The following RAB37 variants were observed in gnomAD, a reference collection of about 807,000 sequenced individuals.
The protein encoded by RAB37 is RAB37, member RAS oncogene family.
A neutral mutation model predicts 33.1 loss-of-function variants in RAB37; 29 were observed. That is an observed-to-expected ratio of 0.88 (90% CI 0.65 to 1.20). The LOEUF (loss-of-function observed/expected upper bound fraction) is 1.20. Ranked by LOEUF, RAB37 falls within the 50% of genes most tolerant of loss-of-function variation. RAB37 has a pLI of 0.00. For synonymous variants in RAB37, 128 were observed against 119.5 expected, an observed-to-expected ratio of 1.07 and a Z score of -0.47; for missense variants, 299 against 301.1, an observed-to-expected ratio of 0.99 and a Z score of 0.05.
At chr17:74,680,635 C>A (rs562063380) in intron 1 of RAB37, among the ~76,000 whole-genome samples, 2 of 152,268 alleles carry the variant, frequency 1.3e-5, no homozygotes, top group East Asian at 3.9e-4. Context: ...CCTTGCCCCA[C>A]CTCTGCCTCC....
chr17:74,674,631 T>A (rs1183362868), intron 1 of RAB37, among the ~76,000 whole-genome samples: 1 of 152,040 alleles, frequency 6.6e-6, no homozygotes, highest in East Asian at 1.9e-4. Context: ...TGAGCCAAGA[T>A]CACACCACTG....
chr17:74,714,456 G>A (rs2034132081), intron 1 of RAB37, among the ~76,000 whole-genome samples: 1 of 151,494 alleles, frequency 6.6e-6, no homozygotes, highest in Non-Finnish European at 1.5e-5. Flanking sequence ...GAGGTTCAGA[G>A]AGAAGGGAGA....
chr17:74,730,417 G>T lies in RAB37; in HGVS notation c.183+1051G>T, dbSNP rs1274908431. On this transcript the variant is annotated intron_variant, in intron 2 of 7. Coordinates refer to the RAB37 transcript ENST00000340415. This position sits in a 1 kb window ranked among gnomAD's most constrained non-coding sequence, Gnocchi z 4.4. ...AGCCAGGAAGGCAGGGGTTCAGAATGAACATGGCTTCTGCATGACCTTCCA... is the reference window on the plus strand; with the variant it reads ...AGCCAGGAAGGCAGGGGTTCAGAATTAACATGGCTTCTGCATGACCTTCCA... Among the ~76,000 whole-genome samples, 1 of 152,190 alleles carries T rather than the reference G, an allele frequency of 6.6e-6. No individual in the cohort carries two copies. Among genetic ancestry groups the T allele is most frequent in the East Asian group, 1.9e-4 (1 of 5,170 alleles).
chr17:74,682,537 G>A (rs1026207613), intron 1 of RAB37, among the ~76,000 whole-genome samples: 11 of 152,172 alleles, frequency 7.2e-5, no homozygotes, highest in Non-Finnish European at 1.6e-4. Context: ...AGAACATGAT[G>A]GACGGCTTAA....
intron 1 of RAB37, among the ~76,000 whole-genome samples, chr17:74,709,752 T>C (rs2033812126): frequency 6.6e-6 from 1 of 152,030 alleles, no homozygotes; most frequent in African/African-American, 2.4e-5. Context: ...ATTTTTTTTT[T>C]TGGAGAGACA....
intron 1 of RAB37, among the ~76,000 whole-genome samples, chr17:74,719,709 G>A (rs1396348200): frequency 6.6e-6 from 1 of 151,910 alleles, no homozygotes; most frequent in African/African-American, 2.4e-5. Flanking sequence ...GTAGAATAGG[G>A]TCTTCCTATG....
At chr17:74,726,003 G>A (rs1385874769) in intron 1 of RAB37, among the ~76,000 whole-genome samples, 3 of 152,030 alleles carry the variant, frequency 2.0e-5, no homozygotes, top group Non-Finnish European at 4.4e-5. Context: ...TTGGGAGGCC[G>A]AGGCAGGTGG....
chr17:74,745,359 G>C lies in RAB37; in HGVS notation c.620G>C (p.Arg207Pro), dbSNP rs763884748. 2 of 1,614,092 alleles carry C rather than the reference G, an allele frequency of 1.2e-6. No individual in the cohort carries two copies. Among genetic ancestry groups the C allele is most frequent in the Middle Eastern group, 1.6e-4 (1 of 6,062 alleles). Residue 207 changes from arginine (R) to proline (P), a missense_variant, in exon 9 of 9, where the codon CGA (arginine) becomes CCA (proline). Arg to Pro is a moderately radical substitution (Grantham distance 103). Transcript: ENST00000392613. The surrounding 1 kb of genome is among the most constrained non-coding windows in gnomAD (Gnocchi z 4.5). Reference sequence around the variant, plus strand: ...GCGGATGAGCCCAGCTTCCAGATCCGAGACTATGTAGAGTCCCAGAAGAAG... The same window carrying C: ...GCGGATGAGCCCAGCTTCCAGATCCCAGACTATGTAGAGTCCCAGAAGAAG... ...HQADEPSFQI[R>P]DYVESQKKRS...
chr17:74,686,211 C>T (rs535984183), intron 1 of RAB37, among the ~76,000 whole-genome samples: 2 of 152,224 alleles, frequency 1.3e-5, no homozygotes, highest in East Asian at 3.9e-4. Context: ...CCTACCTCAG[C>T]ATCCCAGGTA....
At chr17:74,720,590 C>CA (rs1312784321) in intron 1 of RAB37, among the ~76,000 whole-genome samples, 1 of 151,878 alleles carries the variant, frequency 6.6e-6, no homozygotes, top group Non-Finnish European at 1.5e-5. Flanking sequence ...GCCTCTGTCT[C>CA]AAAAAAATAA....
upstream of RAB37, among the ~76,000 whole-genome samples, chr17:74,735,018 G>GAAAGAAAGAAAGAAAGA (rs2034449471): frequency 3.6e-5 from 3 of 82,260 alleles, no homozygotes; most frequent in Non-Finnish European, 6.3e-5. Flanking sequence ...AGGAAGGAAG[G>GAAAGAAAGAAAGAAAGA]AAGAAAGAAA....
chr17:74,694,184 TAA>T (rs2032230623), intron 1 of RAB37: 11 of 152,142 alleles, frequency 7.2e-5, no homozygotes, highest in Admixed American at 2.6e-4. Flanking sequence ...AAGGGGACAG[TAA>T]TAGAAGTGCC....
intron 1 of RAB37, among the ~76,000 whole-genome samples, chr17:74,705,670 C>A (rs1156730351): frequency 1.3e-5 from 2 of 152,110 alleles, no homozygotes; most frequent in African/African-American, 4.8e-5. Context: ...TCATGGCTCA[C>A]TGAAGCCTTC....
intron 1 of RAB37, chr17:74,704,814 A>G: frequency 6.2e-7 from 1 of 1,608,476 alleles, no homozygotes; most frequent in Non-Finnish European, 8.5e-7. Context: ...ACAATGGAGT[A>G]GCCTGGAAAA....
chr17:74,698,150 C>T (rs1370778043), intron 1 of RAB37, among the ~76,000 whole-genome samples: 1 of 152,196 alleles, frequency 6.6e-6, no homozygotes, highest in Non-Finnish European at 1.5e-5. Context: ...AGGGGAAGGA[C>T]GGAGGTGCAG....
At chr17:74,737,542 T>G (rs1222619008) in intron 1 of RAB37, among the ~76,000 whole-genome samples, 177 bp downstream of exon 1, 1 of 152,040 alleles carries the variant, frequency 6.6e-6, no homozygotes, top group Non-Finnish European at 1.5e-5. Flanking sequence ...TCTGCTGGCT[T>G]GGTGGGGGCG....
At chr17:74,728,343 ATG>A (rs1157643416) in intron 1 of RAB37, among the ~76,000 whole-genome samples, 1 of 148,030 alleles carries the variant, frequency 6.8e-6, no homozygotes, top group Non-Finnish European at 1.5e-5. Flanking sequence ...TATGTGTACT[ATG>A]TGTATTTGTG....
In RAB37 at chr17:74,731,950, C is replaced by T. The variant is rs574638878; in HGVS notation, c.183+2584C>T. Among the ~76,000 whole-genome samples the T allele has an allele frequency of 1.6e-4, 25 of 151,952 alleles. 1 individual carries two copies. In the South Asian group the frequency reaches 3.1e-3, roughly 19 times the overall value. On this transcript the variant is annotated intron_variant, in intron 2 of 7. Transcript: ENST00000340415. Reference sequence around the variant, plus strand: ...ACTTGAACCTGGGAGGCGGAGGTTGCGGCGAGCCAATATCATGCCATTGCG... The same window carrying T: ...ACTTGAACCTGGGAGGCGGAGGTTGTGGCGAGCCAATATCATGCCATTGCG...
intron 2 of RAB37, among the ~76,000 whole-genome samples, chr17:74,731,860 G>T (rs1006611399): frequency 4.0e-5 from 6 of 151,646 alleles, no homozygotes; most frequent in African/African-American, 1.5e-4. Flanking sequence ...ATACAAAAAC[G>T]TTTGCCAGGC....
Sources: allele counts gnomAD v4.1 joint callset (sites outside exome capture counted in the v4.1 genomes callset), GRCh38; gene constraint gnomAD v4.1.1; non-coding constraint Gnocchi (gnomAD v3.1); transcripts MANE v1.5; gene names NCBI Gene and HGNC (gene_info 2026-07-23, HGNC 2026-07-21).